The following CPS1 variants were observed in gnomAD, a reference collection of about 807,000 sequenced individuals.
The protein encoded by CPS1 is carbamoyl-phosphate synthase [ammonia], mitochondrial.
In CPS1, 109 loss-of-function variants were observed where a neutral mutation model predicts 174.6. That is an observed-to-expected ratio of 0.62 (90% CI 0.53 to 0.73). CPS1 has a LOEUF of 0.73. CPS1 is among the 30% of genes least tolerant of loss of function. The pLI, the probability that CPS1 is intolerant of heterozygous loss-of-function variation, is 0.00. For synonymous variants in CPS1, 637 were observed against 632.0 expected, an observed-to-expected ratio of 1.01 and a Z score of -0.12; for missense variants, 1,689 against 1,821.9, an observed-to-expected ratio of 0.93 and a Z score of 1.33.
At chr2:210,525,628 A>C (rs773250636) in intron 1 of CPS1, among the ~76,000 whole-genome samples, 4 of 151,138 alleles carry the variant, frequency 2.6e-5, no homozygotes, top group Non-Finnish European at 4.4e-5. Flanking sequence ...TAAGGGACAC[A>C]ATAGAGGTCT....
intron 1 of CPS1, among the ~76,000 whole-genome samples, chr2:210,496,817 A>G (rs4672581): frequency 0.81 from 122,828 of 152,074 alleles, 51,337 homozygotes; most frequent in Non-Finnish European, 0.92. Flanking sequence ...CTTCTCAGCA[A>G]CATCCTTCCT....
chr2:210,641,715 G>A (rs1208002960), intron 24 of CPS1, among the ~76,000 whole-genome samples: 1 of 152,188 alleles, frequency 6.6e-6, no homozygotes, highest in East Asian at 1.9e-4. Context: ...GACTAGTCAA[G>A]CTAATAATCA....
intron 1 of CPS1, among the ~76,000 whole-genome samples, chr2:210,501,470 T>G (rs1235806181): frequency 6.6e-6 from 1 of 152,182 alleles, no homozygotes; most frequent in Non-Finnish European, 1.5e-5. Context: ...TGAATGCTTT[T>G]AACAGCACCC....
At chr2:210,674,743 T>A in intron 34 of CPS1, 159 bp from the exon 35 acceptor site, 1 of 668,530 alleles carries the variant, frequency 1.5e-6, no homozygotes, top group East Asian at 2.7e-5. Flanking sequence ...AAACTCACAC[T>A]CACCATAGAA....
chr2:210,573,717 A>T (rs565244421), intron 2 of CPS1, among the ~76,000 whole-genome samples: 120 of 152,154 alleles, frequency 7.9e-4, no homozygotes, highest in African/African-American at 2.8e-3. Context: ...GGTTTCTGTA[A>T]GGGGAGGTAT....
rs1427789805 is a variant in CPS1 at position 210,599,458 on chromosome 2, C to G, written c.1446C>G (p.Val482=). 1 of 1,612,628 alleles carries G rather than the reference C, an allele frequency of 6.2e-7. No homozygotes were observed. The highest frequency in any genetic ancestry group is 8.5e-7 in the Non-Finnish European group (1 of 1,179,080). Residue 482 remains valine (V), a synonymous_variant, in exon 14 of 38, where the codon GTC becomes GTG. Coordinates refer to ENST00000233072, the MANE Select transcript of CPS1 (RefSeq NM_001875.5). The stretch of plus-strand genomic sequence containing the variant: ...TGGGCTTAAAGCAAGCGGATACTGT[C>G]TACTTTCTTCCCATCACCCCTCAGT... ...NEVGLKQADT[V]YFLPITPQFV...
At chr2:210,649,689 G>C (rs980353040) in intron 27 of CPS1, among the ~76,000 whole-genome samples, 1 of 152,116 alleles carries the variant, frequency 6.6e-6, no homozygotes, top group African/African-American at 2.4e-5. Flanking sequence ...TAAAAGCAAA[G>C]TAATATTTTT....
At chr2:210,523,435 C>T (rs1029310948) in intron 1 of CPS1, among the ~76,000 whole-genome samples, 2 of 151,804 alleles carry the variant, frequency 1.3e-5, no homozygotes, top group African/African-American at 4.8e-5. Context: ...TTAGTGTAAC[C>T]ATTACATACA....
At chr2:210,676,983 A>G (rs372676048) in intron 36 of CPS1, 24 bp from the exon 37 acceptor site, 69 of 1,609,902 alleles carry the variant, frequency 4.3e-5, no homozygotes, top group Non-Finnish European at 5.8e-5. Flanking sequence ...CTTGTTGTCT[A>G]TAAGTTTTTG....
At chr2:210,487,390 A>G (rs1048453555) in intron 1 of CPS1, among the ~76,000 whole-genome samples, 1 of 152,198 alleles carries the variant, frequency 6.6e-6, no homozygotes, top group Non-Finnish European at 1.5e-5. Context: ...TTGATATACA[A>G]CAGATTCAAT....
chr2:210,512,049 A>G (rs1695508816), intron 1 of CPS1, among the ~76,000 whole-genome samples: 1 of 152,052 alleles, frequency 6.6e-6, no homozygotes, highest in Admixed American at 6.6e-5. Flanking sequence ...GACATCATTA[A>G]AAGTGAACTT....
At chr2:210,639,747 C>T (rs1700155882) in intron 23 of CPS1, among the ~76,000 whole-genome samples, 1 of 150,410 alleles carries the variant, frequency 6.6e-6, no homozygotes, top group Admixed American at 6.6e-5. Context: ...AGGACAATGA[C>T]TACATGATCA....
chr2:210,668,150 A>G, intron 33 of CPS1, 36 bp from the exon 34 acceptor site: 3 of 1,457,276 alleles, frequency 2.1e-6, no homozygotes, highest in Non-Finnish European at 2.9e-6. Context: ...TATTCTTTGC[A>G]TCCTCTATTT....
At chr2:210,486,115 TACAC>T (rs60740361) in intron 1 of CPS1, among the ~76,000 whole-genome samples, 26,842 of 135,450 alleles carry the variant, frequency 0.2, 2,852 homozygotes, top group Middle Eastern at 0.28. Context: ...CACACACACA[TACAC>T]ACACACACAC....
In CPS1 at chr2:210,590,941, G is replaced by C; in HGVS notation, c.947+35G>C. ...TTTCACTTTTGCTTACAGTAAACCA[G>C]CTCTGACATACTAACTAAATACAAA... is the stretch of plus-strand genomic sequence containing the variant. On this transcript the variant is annotated intron_variant, in intron 9 of 37. Coordinates refer to ENST00000233072, the MANE Select transcript of CPS1 (RefSeq NM_001875.5). 2.0e-6 allele frequency: 3 copies of C among 1,523,302 alleles called. No homozygotes were observed. In the South Asian group the frequency reaches 3.4e-5, roughly 17 times the overall value. 94.4% of individuals were successfully genotyped at this position (1,523,302 alleles called of 1,614,324 possible). A position where few individuals can be genotyped will look rare whatever the true frequency, so the allele number is the denominator to read the frequency against.
At chr2:210,486,115 TACACACACACACAC>T (rs60740361) in intron 1 of CPS1, among the ~76,000 whole-genome samples, 4 of 135,672 alleles carry the variant, frequency 2.9e-5, no homozygotes, top group East Asian at 2.1e-4. Context: ...CACACACACA[TACACACACACACAC>T]ACACACACAC....
chr2:210,543,364 A>G (rs972987285), intron 1 of CPS1, among the ~76,000 whole-genome samples: 4 of 152,018 alleles, frequency 2.6e-5, no homozygotes, highest in Non-Finnish European at 5.9e-5. Context: ...ATTGCCTTTC[A>G]GATCTCTCCT....
chr2:210,573,193 A>G, intron 1 of CPS1, 105 bp from the exon 2 acceptor site: 1 of 1,001,704 alleles, frequency 1.0e-6, no homozygotes, highest in Non-Finnish European at 1.6e-6. Context: ...GTTTCATTAA[A>G]TATACTGTGC....
At chr2:210,525,005 C>A (rs1377458052) in intron 1 of CPS1, among the ~76,000 whole-genome samples, 7 of 151,968 alleles carry the variant, frequency 4.6e-5, no homozygotes, top group Non-Finnish European at 7.4e-5. Flanking sequence ...ATCCACTGAA[C>A]AGACAGGAAA....
Sources: allele counts gnomAD v4.1 joint callset (sites outside exome capture counted in the v4.1 genomes callset), GRCh38; gene constraint gnomAD v4.1.1; transcripts MANE v1.5; gene names NCBI Gene and HGNC (gene_info 2026-07-23, HGNC 2026-07-21).